The following AGMO variants were observed in gnomAD, a reference collection of about 807,000 sequenced individuals.
AGMO encodes alkylglycerol monooxygenase.
A neutral mutation model predicts 60.2 loss-of-function variants in AGMO; 75 were observed. The ratio of observed to expected loss-of-function variants is 1.25; its 90% CI spans 1.03 to 1.51. The LOEUF is 1.51. Among genes scored for constraint, AGMO ranks in the 40% most tolerant of loss-of-function variants. AGMO has a pLI of 0.00. For missense variants in AGMO, 763 were observed against 525.5 expected, an observed-to-expected ratio of 1.45 and a Z score of -4.42; for synonymous variants, 261 against 177.1, an observed-to-expected ratio of 1.47 and a Z score of -3.76.
intron 12 of AGMO, among the ~76,000 whole-genome samples, chr7:15,293,932 T>C (rs1032635833): frequency 6.6e-6 from 1 of 151,686 alleles, no homozygotes; most frequent in Non-Finnish European, 1.5e-5. Context: ...AATAATGTTA[T>C]TAGGTAAAGT....
chr7:15,301,104 T>G (rs1784549746), intron 12 of AGMO, among the ~76,000 whole-genome samples: 1 of 152,154 alleles, frequency 6.6e-6, no homozygotes. Flanking sequence ...TGATTGCATG[T>G]GTTTGTGGGT....
the AGMO span, among the ~76,000 whole-genome samples, chr7:15,175,880 T>A: frequency 3.8e-4 from 58 of 152,090 alleles, no homozygotes; most frequent in African/African-American, 1.3e-3. Flanking sequence ...GTATTTACTA[T>A]GAAATTTGTA....
intron 12 of AGMO, among the ~76,000 whole-genome samples, chr7:15,292,186 C>A (rs1473118315): frequency 6.6e-6 from 1 of 152,112 alleles, no homozygotes; most frequent in African/African-American, 2.4e-5. Context: ...CTGGAGGATT[C>A]AGAGCAGAGA....
At chr7:15,281,232 T>C (rs181241400) in intron 12 of AGMO, among the ~76,000 whole-genome samples, 21 of 152,118 alleles carry the variant, frequency 1.4e-4, no homozygotes, top group Admixed American at 1.4e-3. Context: ...TCCACCCCAA[T>C]AGTCAGGCAG....
At chr7:15,230,697 A>G (rs997274639) in intron 12 of AGMO, among the ~76,000 whole-genome samples, 7 of 152,146 alleles carry the variant, frequency 4.6e-5, no homozygotes, top group Non-Finnish European at 8.8e-5. Context: ...TAAGGGAAAG[A>G]GAGAGAAATC....
chr7:15,325,788 G>C (rs1308317964), intron 12 of AGMO, among the ~76,000 whole-genome samples: 3 of 151,916 alleles, frequency 2.0e-5, no homozygotes, highest in Non-Finnish European at 2.9e-5. Flanking sequence ...TTTTTCATTA[G>C]GATTATCTTA....
At chr7:15,138,278 C>T in the AGMO span, among the ~76,000 whole-genome samples, 6 of 152,124 alleles carry the variant, frequency 3.9e-5, no homozygotes, top group Admixed American at 3.9e-4. Context: ...AGAAAAACTT[C>T]GTGCAATTGA....
chr7:15,553,681 A>G (rs900506220), intron 2 of AGMO, among the ~76,000 whole-genome samples: 8 of 152,172 alleles, frequency 5.3e-5, no homozygotes, highest in African/African-American at 1.9e-4. Context: ...AACAGACTGA[A>G]GGTCCTAGAA....
intron 12 of AGMO, among the ~76,000 whole-genome samples, chr7:15,360,765 G>A (rs1033485918): frequency 6.6e-6 from 1 of 152,036 alleles, no homozygotes; most frequent in African/African-American, 2.4e-5. Context: ...TTGTTTAAGG[G>A]TCAATTGGAT....
chr7:15,431,099 A>G lies in AGMO; in HGVS notation c.419T>C (p.Ile140Thr), dbSNP rs761519758. Residue 140 changes from isoleucine (I) to threonine (T), a missense_variant, in exon 4 of 13, where the codon ATT becomes ACT. Ile to Thr is a moderately conservative substitution (Grantham distance 89). Transcript: ENST00000342526. ...WFHRMAHEVN[I>T]MWAGHQTHHS... ...ATGTGTTTGGTGTCCGGCCCACATA[A>G]TATTAACTTCTGCAAAACACATAAT... 9 of 1,610,166 alleles carry G rather than the reference A, an allele frequency of 5.6e-6. No homozygotes were observed. In the East Asian group the frequency reaches 1.8e-4, roughly 32 times the overall value.
chr7:15,268,088 CAA>C (rs1305360234), intron 12 of AGMO, among the ~76,000 whole-genome samples: 2 of 151,170 alleles, frequency 1.3e-5, no homozygotes, highest in Non-Finnish European at 2.9e-5. Flanking sequence ...AATATGATAC[CAA>C]GAGTTATTAA....
intron 12 of AGMO, among the ~76,000 whole-genome samples, chr7:15,307,549 T>C (rs1462661105): frequency 6.6e-6 from 1 of 151,870 alleles, no homozygotes; most frequent in African/African-American, 2.4e-5. Context: ...ATGAAGCCTA[T>C]AAGAAGGACA....
At chr7:15,410,054 C>T (rs1269467312) in intron 5 of AGMO, among the ~76,000 whole-genome samples, 1 of 151,490 alleles carries the variant, frequency 6.6e-6, no homozygotes, top group South Asian at 2.1e-4. Context: ...TGGAATATAT[C>T]AGTCCAATTC....
chr7:15,363,310 C>T (rs1782836573), intron 12 of AGMO, among the ~76,000 whole-genome samples: 1 of 152,152 alleles, frequency 6.6e-6, no homozygotes, highest in African/African-American at 2.4e-5. Context: ...ATAGTTATTT[C>T]AAATGATCCT....
chr7:15,315,681 T>C (rs552889035), intron 12 of AGMO, among the ~76,000 whole-genome samples: 1 of 152,112 alleles, frequency 6.6e-6, no homozygotes, highest in Non-Finnish European at 1.5e-5. Flanking sequence ...AAAGTTCTAG[T>C]TCTAAAATTA....
At chr7:15,397,367 G>A (rs1200415691) in intron 5 of AGMO, among the ~76,000 whole-genome samples, 1 of 151,846 alleles carries the variant, frequency 6.6e-6, no homozygotes, top group African/African-American at 2.4e-5. Context: ...CGCAGCCCCG[G>A]CTCCCGCACC....
intron 12 of AGMO, among the ~76,000 whole-genome samples, chr7:15,271,556 G>A (rs989674617): frequency 6.6e-6 from 1 of 151,232 alleles, no homozygotes; most frequent in African/African-American, 2.5e-5. Context: ...TCAAGTCCAG[G>A]AGTCTTCTGA....
intron 5 of AGMO, among the ~76,000 whole-genome samples, chr7:15,415,330 G>A (rs1005340800): frequency 2.0e-5 from 3 of 151,886 alleles, no homozygotes; most frequent in African/African-American, 7.3e-5. Context: ...AGATCACAAG[G>A]TCAAGAGACC....
intron 12 of AGMO, among the ~76,000 whole-genome samples, chr7:15,318,099 G>A (rs1222672408): frequency 1.3e-5 from 2 of 150,910 alleles, no homozygotes; most frequent in African/African-American, 4.9e-5. Flanking sequence ...TCTGCCTCTG[G>A]GGTTCAAACA....
Sources: gnomAD v4.1 joint callset for allele counts (sites outside exome capture counted in the v4.1 genomes callset) on GRCh38, gnomAD v4.1.1 for gene constraint, MANE v1.5 for transcripts, NCBI Gene and HGNC (gene_info 2026-07-23, HGNC 2026-07-21) for gene names.